Variants in PTPRZ1 observed in about 807,000 individuals in gnomAD.
PTPRZ1 encodes receptor-type tyrosine-protein phosphatase zeta.
In PTPRZ1, 82 loss-of-function variants were observed where a neutral mutation model predicts 214.1. That is an observed-to-expected ratio of 0.38 (90% CI 0.32 to 0.46). The LOEUF (loss-of-function observed/expected upper bound fraction) is 0.46. PTPRZ1 is among the 20% of genes least tolerant of loss of function. The pLI, the probability that PTPRZ1 is intolerant of heterozygous loss-of-function variation, is 1.00. For synonymous variants in PTPRZ1, 945 were observed against 987.9 expected (o/e 0.96, Z 0.81); for missense variants, 2,603 against 2,748.7 (o/e 0.95, Z 1.19).
chr7:121,967,945 C>A lies in PTPRZ1; in HGVS notation c.125-6C>A, dbSNP rs757315703. 4 of 1,545,032 alleles carry A rather than the reference C, an allele frequency of 2.6e-6. No homozygotes were observed. In the African/African-American group the frequency reaches 4.1e-5, roughly 16 times the overall value. ...AACTAAATTTCTTACTCCTTCTTTTCCCTAGGAGCACTGAATCAAAAAAAT... is the reference window on the plus strand; with the variant it reads ...AACTAAATTTCTTACTCCTTCTTTTACCTAGGAGCACTGAATCAAAAAAAT... On this transcript the variant is annotated splice_polypyrimidine_tract_variant and splice_region_variant and intron_variant, in intron 2 of 29. Coordinates refer to ENST00000393386, the MANE Select transcript of PTPRZ1 (RefSeq NM_002851.3).
chr7:121,905,919 C>T (rs1795103313), intron 1 of PTPRZ1, among the ~76,000 whole-genome samples: 1 of 152,102 alleles, frequency 6.6e-6, no homozygotes, highest in African/African-American at 2.4e-5. Context: ...ACAAGAGGCA[C>T]TGATGATAGT....
At chr7:122,043,235 A>G (rs1318211411) in intron 22 of PTPRZ1, among the ~76,000 whole-genome samples, 1 of 152,190 alleles carries the variant, frequency 6.6e-6, no homozygotes, top group Non-Finnish European at 1.5e-5. Context: ...CAGCTATGTC[A>G]TGAATGAGCC....
chr7:122,058,988 G>T, intron 28 of PTPRZ1, 46 bp downstream of exon 28: 1 of 1,496,178 alleles, frequency 6.7e-7, no homozygotes, highest in Non-Finnish European at 9.2e-7. Flanking sequence ...CATTTTCTGG[G>T]CATATGTATA....
chr7:121,883,369 T>C (rs1794299977), intron 1 of PTPRZ1, among the ~76,000 whole-genome samples: 1 of 152,216 alleles, frequency 6.6e-6, no homozygotes, highest in African/African-American at 2.4e-5. Flanking sequence ...ACTTACTTCA[T>C]TCACCTTTCA....
intron 2 of PTPRZ1, among the ~76,000 whole-genome samples, chr7:121,955,742 G>T (rs1001626748): frequency 2.0e-4 from 30 of 152,184 alleles, no homozygotes; most frequent in African/African-American, 7.2e-4. Flanking sequence ...TAGTCACAGT[G>T]TCACCTTATT....
chr7:122,039,886 G>A (rs1224239644), intron 20 of PTPRZ1, among the ~76,000 whole-genome samples: 1 of 151,506 alleles, frequency 6.6e-6, no homozygotes, highest in Non-Finnish European at 1.5e-5. Flanking sequence ...GGAGGCTGAA[G>A]CACAGGAATC....
chr7:121,960,184 G>A (rs750794004), intron 2 of PTPRZ1, among the ~76,000 whole-genome samples: 22 of 152,232 alleles, frequency 1.4e-4, no homozygotes, highest in African/African-American at 2.6e-4. Context: ...AATTACGGGC[G>A]TGCGCCAACA....
chr7:121,978,118 C>T (rs921939775), intron 6 of PTPRZ1, among the ~76,000 whole-genome samples: 2 of 152,150 alleles, frequency 1.3e-5, no homozygotes, highest in Admixed American at 1.3e-4. Flanking sequence ...TTAAAATTTC[C>T]TTTCTAATAT....
intron 13 of PTPRZ1, among the ~76,000 whole-genome samples, chr7:122,024,421 G>C (rs1442948251): frequency 6.6e-6 from 1 of 151,988 alleles, no homozygotes; most frequent in African/African-American, 2.4e-5. Context: ...ATTCTCTCTT[G>C]ATCTTAAACT....
chr7:121,967,621 T>C (rs776773418), intron 2 of PTPRZ1, among the ~76,000 whole-genome samples: 69 of 152,294 alleles, frequency 4.5e-4, no homozygotes, highest in Admixed American at 2.6e-4. Flanking sequence ...GAGGTGGCCA[T>C]TAGATCAAGC....
chr7:121,894,725 A>ATTCAATCATTGCTCTTTT (rs1184387469), intron 1 of PTPRZ1, among the ~76,000 whole-genome samples: 2 of 152,138 alleles, frequency 1.3e-5, no homozygotes, highest in Non-Finnish European at 2.9e-5. Flanking sequence ...CTTTTATCCC[A>ATTCAATCATTGCTCTTTT]TTCAATCATT....
intron 2 of PTPRZ1, among the ~76,000 whole-genome samples, chr7:121,947,293 G>T (rs985059955): frequency 5.9e-5 from 9 of 151,778 alleles, no homozygotes; most frequent in African/African-American, 2.2e-4. Context: ...TACTTAATAG[G>T]ACTTGCATTT....
intron 20 of PTPRZ1, among the ~76,000 whole-genome samples, chr7:122,040,154 G>T (rs1332762454): frequency 6.6e-6 from 1 of 152,194 alleles, no homozygotes; most frequent in African/African-American, 2.4e-5. Context: ...TGTGGCAACT[G>T]CATAGGATGG....
intron 1 of PTPRZ1, among the ~76,000 whole-genome samples, chr7:121,895,843 C>A (rs1341789013): frequency 6.6e-6 from 1 of 152,172 alleles, no homozygotes; most frequent in East Asian, 1.9e-4. Context: ...GGCTTAGCAT[C>A]TTCCCTCTTC....
Position 121,998,944 on chromosome 7 carries a change from G to A in PTPRZ1, c.1240+938G>A, listed in dbSNP as rs1203327002. On this transcript the variant is annotated intron_variant, in intron 10 of 29. Coordinates refer to ENST00000393386, the MANE Select transcript of PTPRZ1 (RefSeq NM_002851.3). ...CTATGGCAGGAAAACTGATGTGCACGGTTTGCATTGTTGTCTAAATGCTGT... is the reference window on the plus strand; with the variant it reads ...CTATGGCAGGAAAACTGATGTGCACAGTTTGCATTGTTGTCTAAATGCTGT... Among the ~76,000 whole-genome samples the A allele has an allele frequency of 2.0e-5, 3 of 152,182 alleles. No individual in the cohort carries two copies. In the East Asian group the frequency reaches 5.8e-4, roughly 29 times the overall value.
At chr7:122,042,555 A>T (rs1156757345) in intron 21 of PTPRZ1, 53 bp from the exon 22 acceptor site, 3 of 1,517,556 alleles carry the variant, frequency 2.0e-6, no homozygotes, top group African/African-American at 2.8e-5. Flanking sequence ...TCTATTTTTC[A>T]AATTTATTTT....
rs182078409 is a variant in PTPRZ1 at position 121,896,704 on chromosome 7, C to T, written c.58+23147C>T. Among the ~76,000 whole-genome samples, 20 of 151,274 alleles carry T rather than the reference C, an allele frequency of 1.3e-4. No individual in the cohort carries two copies. The East Asian group carries it at 3.5e-3, about 27-fold the overall frequency. On this transcript the variant is annotated intron_variant, in intron 1 of 29. Coordinates refer to ENST00000393386, the MANE Select transcript of PTPRZ1 (RefSeq NM_002851.3). ...AGGAGAATGGCGTGAACCCAGGAGG[C>T]GGAGCTTGCAATGAGCCAAGATCGC...
chr7:121,937,908 T>C (rs1244476805), intron 2 of PTPRZ1, among the ~76,000 whole-genome samples: 3 of 151,868 alleles, frequency 2.0e-5, no homozygotes, highest in African/African-American at 7.3e-5. Context: ...TTCACAAGTA[T>C]TGTAAGTGCC....
At chr7:121,977,157 T>C (rs1214637605) in intron 6 of PTPRZ1, among the ~76,000 whole-genome samples, 4 of 152,226 alleles carry the variant, frequency 2.6e-5, no homozygotes, top group African/African-American at 4.8e-5. Flanking sequence ...ATTATGTCTC[T>C]GCATTATACA....
Sources: allele counts gnomAD v4.1 joint callset (sites outside exome capture counted in the v4.1 genomes callset), GRCh38; gene constraint gnomAD v4.1.1; transcripts MANE v1.5; gene names NCBI Gene and HGNC (gene_info 2026-07-23, HGNC 2026-07-21).